Variants in FILIP1L observed in about 807,000 individuals in gnomAD.
FILIP1L encodes filamin A interacting protein 1 like.
FILIP1L carries 55 observed loss-of-function variants against 96.6 expected under a neutral mutation model. That is an observed-to-expected ratio of 0.57 (90% confidence interval 0.46 to 0.71). The LOEUF (loss-of-function observed/expected upper bound fraction) is 0.71. Among genes scored for constraint, FILIP1L ranks in the 30% least tolerant of loss-of-function variants. FILIP1L has a pLI of 0.00. For synonymous variants in FILIP1L, 467 were observed against 473.9 expected (o/e 0.99, Z 0.19); for missense variants, 1,304 against 1,321.2 (o/e 0.99, Z 0.20).
chr3:100,025,269 G>T (rs2064897570), intron 1 of FILIP1L, among the ~76,000 whole-genome samples: 1 of 152,126 alleles, frequency 6.6e-6, no homozygotes, highest in South Asian at 2.1e-4. Context: ...GGTCTAAAGG[G>T]CACAGGCCTC....
chr3:99,850,721 G>A lies in FILIP1L; in HGVS notation c.955C>T (p.Gln319Ter). Reference sequence around the variant, plus strand: ...AGCTTTTGTTGAAGCTGGCGATTTTGACTGTCCTCATTGGTGAGCTTCGCC... The same window carrying A: ...AGCTTTTGTTGAAGCTGGCGATTTTAACTGTCCTCATTGGTGAGCTTCGCC... ...IMAKLTNEDS[Q>*]NRQLQQKLAA... The change falls in exon 5 of 6, where the codon CAA becomes TAA. Residue 319 changes from glutamine to a stop codon, truncating the protein, a stop_gained. Coordinates refer to ENST00000477258, the MANE Select transcript of FILIP1L (RefSeq NM_001387850.1). LOFTEE classifies it high-confidence loss of function. 6.2e-7 allele frequency: 1 copy of A among 1,614,174 alleles called. No individual in the cohort carries two copies. The highest frequency in any genetic ancestry group is 8.5e-7 in the Non-Finnish European group (1 of 1,180,034).
intron 1 of FILIP1L, among the ~76,000 whole-genome samples, chr3:100,068,095 A>G (rs568492653): frequency 2.0e-4 from 30 of 152,370 alleles, no homozygotes; most frequent in African/African-American, 6.7e-4. Context: ...AAATTGTGAA[A>G]GATTACATGG....
chr3:99,843,463 A>C (rs1216466890), intron 5 of FILIP1L, among the ~76,000 whole-genome samples: 2 of 152,210 alleles, frequency 1.3e-5, no homozygotes, highest in African/African-American at 4.8e-5. Flanking sequence ...ATTTCCTACT[A>C]CAGATGTAAT....
chr3:100,091,067 C>T (rs1361722066), intron 1 of FILIP1L, among the ~76,000 whole-genome samples: 3 of 152,062 alleles, frequency 2.0e-5, no homozygotes, highest in East Asian at 3.9e-4. Context: ...GGGCGGATCA[C>T]GAGATCAGGA....
At chr3:100,017,940 C>T (rs892508891) in intron 1 of FILIP1L, among the ~76,000 whole-genome samples, 2 of 152,106 alleles carry the variant, frequency 1.3e-5, no homozygotes, top group South Asian at 2.1e-4. Flanking sequence ...ACTTCTCAGC[C>T]TCCATAATTG....
At chr3:99,939,587 T>C (rs544783767) in intron 1 of FILIP1L, among the ~76,000 whole-genome samples, 1 of 152,308 alleles carries the variant, frequency 6.6e-6, no homozygotes, top group South Asian at 2.1e-4. Context: ...AAGCAGTGAA[T>C]TGGTGAAGGT....
intron 1 of FILIP1L, among the ~76,000 whole-genome samples, chr3:100,027,113 C>G (rs138828107): frequency 2.0e-5 from 3 of 152,124 alleles, no homozygotes; most frequent in Non-Finnish European, 4.4e-5. Context: ...GCCTTGGACA[C>G]GCTATCTAAA....
At chr3:99,947,322 A>G (rs1034050132) in intron 1 of FILIP1L, among the ~76,000 whole-genome samples, 4 of 152,186 alleles carry the variant, frequency 2.6e-5, no homozygotes, top group Non-Finnish European at 5.9e-5. Flanking sequence ...TGTTTAGGGA[A>G]CATTAGCTAT....
intron 1 of FILIP1L, among the ~76,000 whole-genome samples, chr3:100,014,802 T>G (rs1244553706): frequency 2.0e-5 from 3 of 149,140 alleles, no homozygotes; most frequent in Non-Finnish European, 4.5e-5. Context: ...ATCTTCATTC[T>G]ATTGATTTTT....
At chr3:100,051,797 A>G (rs1301744377) in intron 1 of FILIP1L, among the ~76,000 whole-genome samples, 1 of 150,784 alleles carries the variant, frequency 6.6e-6, no homozygotes, top group Non-Finnish European at 1.5e-5. Context: ...GCTATTGTGA[A>G]TAGTGCCAAT....
chr3:99,922,253 A>C (rs1177478874), intron 4 of FILIP1L, among the ~76,000 whole-genome samples: 2 of 152,250 alleles, frequency 1.3e-5, no homozygotes, highest in Non-Finnish European at 2.9e-5. Context: ...TGAGGCCACT[A>C]GTGCCAAACC....
At chr3:99,955,808 T>C (rs1284645802) in intron 1 of FILIP1L, among the ~76,000 whole-genome samples, 1 of 152,216 alleles carries the variant, frequency 6.6e-6, no homozygotes. Context: ...GAATTTCGAA[T>C]GGCCTGTTCT....
At chr3:99,954,848 C>T (rs1460034735) in intron 1 of FILIP1L, among the ~76,000 whole-genome samples, 2 of 151,738 alleles carry the variant, frequency 1.3e-5, no homozygotes, top group East Asian at 3.9e-4. Context: ...AAAAAAAAGT[C>T]ACAACAGACT....
At position 100,108,583 on chromosome 3, in the gene FILIP1L, A is replaced by G. The variant is rs558038342; in HGVS notation, c.-11+5470T>C. On this transcript the variant is annotated intron_variant, in intron 1 of 5. Transcript: ENST00000477258. The stretch of plus-strand genomic sequence containing the variant: ...TTGACTCTGATTTTGTTTGATATTC[A>G]TGTATTCAATTCAAACAGTCCTCAC... 3.3e-5 allele frequency among the ~76,000 whole-genome samples: 5 copies of G among 152,276 alleles called. No individual in the cohort carries two copies. In the South Asian group the frequency reaches 1.0e-3, roughly 32 times the overall value.
intron 4 of FILIP1L, among the ~76,000 whole-genome samples, chr3:99,871,254 T>A (rs947837356): frequency 1.3e-5 from 2 of 152,168 alleles, no homozygotes; most frequent in East Asian, 1.9e-4. Flanking sequence ...TGTTTTCAGC[T>A]CCTAAACAAA....
At chr3:100,018,509 A>C (rs887440151) in intron 1 of FILIP1L, among the ~76,000 whole-genome samples, 2 of 152,206 alleles carry the variant, frequency 1.3e-5, no homozygotes, top group Non-Finnish European at 2.9e-5. Flanking sequence ...CACATGCAGA[A>C]GAATGAAATT....
chr3:100,020,689 A>C (rs1442891637), intron 1 of FILIP1L, among the ~76,000 whole-genome samples: 2 of 151,330 alleles, frequency 1.3e-5, no homozygotes, highest in African/African-American at 4.9e-5. Flanking sequence ...TCATTTAAAA[A>C]TTGCAAAGCG....
chr3:100,062,015 G>A (rs1326088275), intron 1 of FILIP1L, among the ~76,000 whole-genome samples: 1 of 145,176 alleles, frequency 6.9e-6, no homozygotes, highest in East Asian at 2.2e-4. Context: ...CAAATTGAAA[G>A]CCTTTACTAC....
intron 1 of FILIP1L, among the ~76,000 whole-genome samples, chr3:99,958,745 A>G (rs1264364659): frequency 6.6e-6 from 1 of 151,796 alleles, no homozygotes; most frequent in African/African-American, 2.4e-5. Flanking sequence ...AGTGTGGATC[A>G]TGGGGCTAGA....
Sources: allele counts gnomAD v4.1 joint callset (sites outside exome capture counted in the v4.1 genomes callset), GRCh38; gene constraint gnomAD v4.1.1; transcripts MANE v1.5; gene names NCBI Gene and HGNC (gene_info 2026-07-23, HGNC 2026-07-21).